The following UCHL5 variants were observed in gnomAD, a reference collection of about 807,000 sequenced individuals.
UCHL5 encodes ubiquitin carboxyl-terminal hydrolase isozyme L5.
Under a neutral mutation model 53.8 loss-of-function variants are expected in UCHL5, and 34 were observed. The ratio of observed to expected loss-of-function variants is 0.63; its 90% CI spans 0.48 to 0.84. The LOEUF (loss-of-function observed/expected upper bound fraction) is 0.84. Ranked by LOEUF, UCHL5 falls within the 40% of genes least tolerant of loss-of-function variation. The probability of loss-of-function intolerance (pLI) is 0.00; values close to 1 mark genes in which losing one functional copy is unlikely to be tolerated. For synonymous variants in UCHL5, 111 were observed against 126.3 expected, an observed-to-expected ratio of 0.88 and a Z score of 0.81; for missense variants, 290 against 385.6, an observed-to-expected ratio of 0.75 and a Z score of 2.08.
At chr1:193,029,114 A>C in intron 6 of UCHL5, 65 bp downstream of exon 6, 1 of 1,559,704 alleles carries the variant, frequency 6.4e-7, no homozygotes, top group East Asian at 2.3e-5. Context: ...GCACTGAATG[A>C]GGGTAAATAC....
intron 1 of UCHL5, among the ~76,000 whole-genome samples, chr1:193,056,636 AC>A (rs1416489955): frequency 6.6e-6 from 1 of 152,214 alleles, no homozygotes; most frequent in Non-Finnish European, 1.5e-5. Context: ...ACTACATTCT[AC>A]CAAAATCTGT....
chr1:193,059,462 C>A (rs953386694), upstream of UCHL5: 25 of 1,608,562 alleles, frequency 1.6e-5, no homozygotes, highest in Non-Finnish European at 2.0e-5. This position sits in a 1 kb window ranked among gnomAD's most constrained non-coding sequence, Gnocchi z 4.9. Context: ...CTAGAGACAT[C>A]GAAACTCTTC....
Position 193,012,990 on chromosome 1 carries a change from C to G in UCHL5, c.*3361G>C, listed in dbSNP as rs1437807432. 1.3e-5 allele frequency: 2 copies of G among 152,254 alleles called. No homozygotes were observed. The highest frequency in any genetic ancestry group is 4.8e-5 in the African/African-American group (2 of 41,550). The allele number at this position is 152,254 out of a possible 1,614,324, so 9.4% of individuals were successfully genotyped here. A position where few individuals can be genotyped will look rare whatever the true frequency, so the allele number is the denominator to read the frequency against. On this transcript the variant is annotated 3_prime_UTR_variant, in exon 11 of 11. Transcript: ENST00000367454. ...ATATACTAAAGAACAAACTAAATAA[C>G]ATGCATGTTTGACTGATCTAGGAAT...
At position 193,028,168 on chromosome 1, in the gene UCHL5, C is replaced by T. The variant is rs570331904; in HGVS notation, c.566-20G>A. On this transcript the variant is annotated intron_variant, in intron 6 of 10. Coordinates refer to ENST00000367454, the MANE Select transcript of UCHL5 (RefSeq NM_001199261.3). ...ATGCACCTAGAAAGAAATTTTAAAACAGTTAACACAAATAAAAATAAGAAC... is the reference window on the plus strand; with the variant it reads ...ATGCACCTAGAAAGAAATTTTAAAATAGTTAACACAAATAAAAATAAGAAC... The T allele has an allele frequency of 1.2e-4, 181 of 1,551,942 alleles. 1 individual carries two copies. The South Asian group carries it at 2.2e-3, about 19-fold the overall frequency.
At chr1:193,030,705 G>C (rs899028390) in intron 3 of UCHL5, among the ~76,000 whole-genome samples, 5 of 152,086 alleles carry the variant, frequency 3.3e-5, no homozygotes. Flanking sequence ...ATTAGCTTAT[G>C]ATTTTACATT....
upstream of UCHL5, chr1:193,059,676 T>A: frequency 7.3e-7 from 1 of 1,369,030 alleles, no homozygotes; most frequent in South Asian, 1.2e-5. This position sits in a 1 kb window ranked among gnomAD's most constrained non-coding sequence, Gnocchi z 4.9. Context: ...TTGCTGTGGC[T>A]GTCGCTGCCC....
intron 7 of UCHL5, among the ~76,000 whole-genome samples, chr1:193,027,609 C>T (rs1001055412): frequency 6.6e-6 from 1 of 152,082 alleles, no homozygotes; most frequent in Non-Finnish European, 1.5e-5. Flanking sequence ...CGCTTGAACT[C>T]GGGAGGCAGA....
At chr1:193,018,239 A>G (rs926849538) in intron 10 of UCHL5, among the ~76,000 whole-genome samples, 1 of 151,540 alleles carries the variant, frequency 6.6e-6, no homozygotes, top group African/African-American at 2.4e-5. Context: ...AATATTGTGA[A>G]GTTGTTTGGA....
In UCHL5 at chr1:193,027,889, G is replaced by A. The variant is rs183378056; in HGVS notation, c.629+196C>T. The A allele has an allele frequency of 4.1e-4, 600 of 1,470,412 alleles. 7 individuals are homozygous for A. The highest frequency in any genetic ancestry group is 3.5e-3 in the Middle Eastern group (14 of 4,056). 91.1% of individuals were successfully genotyped at this position (1,470,412 alleles called of 1,614,324 possible). A position where few individuals can be genotyped will look rare whatever the true frequency, so the allele number is the denominator to read the frequency against. On this transcript the variant is annotated intron_variant, in intron 7 of 10. Coordinates refer to ENST00000367454, the MANE Select transcript of UCHL5 (RefSeq NM_001199261.3). ...TGTAATCCTACCACTTTGGGAGGTC[G>A]AGGCAGGCGGATGGCTTGAGCTCAG...
chr1:193,051,544 T>C (rs976621038), intron 2 of UCHL5, among the ~76,000 whole-genome samples: 1 of 151,362 alleles, frequency 6.6e-6, no homozygotes, highest in African/African-American at 2.4e-5. Flanking sequence ...AGCCTTAGGT[T>C]TGACTCCCTT....
At chr1:193,038,018 A>T (rs1664173463) in intron 3 of UCHL5, among the ~76,000 whole-genome samples, 1 of 152,224 alleles carries the variant, frequency 6.6e-6, no homozygotes, top group Middle Eastern at 3.2e-3. Flanking sequence ...TTATTTCAAC[A>T]GATGCTGAAA....
chr1:193,035,632 G>A (rs1383049394), intron 3 of UCHL5, among the ~76,000 whole-genome samples: 4 of 151,950 alleles, frequency 2.6e-5, no homozygotes, highest in Admixed American at 1.3e-4. Flanking sequence ...ACACTAATGC[G>A]CAAAACCAAA....
At chr1:193,059,403 G>T (rs2102987754), upstream of UCHL5, 1 of 1,610,260 alleles carries the variant, frequency 6.2e-7, no homozygotes, top group South Asian at 1.1e-5. The surrounding 1 kb of genome is among the most constrained non-coding windows in gnomAD (Gnocchi z 4.9). Flanking sequence ...CAGCCTCCGG[G>T]CGCCGTCACC....
At chr1:193,051,232 A>G (rs1173949503) in intron 2 of UCHL5, among the ~76,000 whole-genome samples, 1 of 152,100 alleles carries the variant, frequency 6.6e-6, no homozygotes, top group Admixed American at 6.6e-5. Flanking sequence ...GGGTAAGGAG[A>G]AGTTAAAAGA....
intron 3 of UCHL5, among the ~76,000 whole-genome samples, chr1:193,037,678 A>T (rs1267616199): frequency 6.6e-6 from 1 of 152,166 alleles, no homozygotes; most frequent in Non-Finnish European, 1.5e-5. Flanking sequence ...ACAACAAAAA[A>T]ACTACAGACC....
rs1046596998 is a variant in UCHL5, at chr1:193,020,143, T to G, written c.942+954A>C. 7.1e-6 allele frequency: 7 copies of G among 984,882 alleles called. No homozygotes were observed. The African/African-American group carries it at 8.7e-5, about 12-fold the overall frequency. 61.0% of individuals were successfully genotyped at this position (984,882 alleles called of 1,614,324 possible). A position where few individuals can be genotyped will look rare whatever the true frequency, so the allele number is the denominator to read the frequency against. On this transcript the variant is annotated intron_variant, in intron 10 of 10. Transcript: ENST00000367454. ...CAGTCTTCTGCAATAATTTTTACAT[T>G]TAATGCTAAAAGTTGGGTCACATGT...
chr1:193,058,723 C>G (rs944713264), intron 1 of UCHL5, among the ~76,000 whole-genome samples: 5 of 152,262 alleles, frequency 3.3e-5, no homozygotes, highest in Admixed American at 6.5e-5. Context: ...ATCTCGAGTT[C>G]CTGGGCGGCT....
At chr1:193,043,503 A>C (rs1666392970) in intron 3 of UCHL5, among the ~76,000 whole-genome samples, 1 of 152,212 alleles carries the variant, frequency 6.6e-6, no homozygotes, top group African/African-American at 2.4e-5. Flanking sequence ...ATAGTAAAGA[A>C]ATTAACCTTG....
intron 6 of UCHL5, 33 bp from the exon 7 acceptor site, chr1:193,028,181 T>G (rs1660051535): frequency 6.6e-7 from 1 of 1,522,946 alleles, no homozygotes; most frequent in Admixed American, 2.2e-5. Flanking sequence ...TTAACACAAA[T>G]AAAAATAAGA....
Sources: allele counts gnomAD v4.1 joint callset (sites outside exome capture counted in the v4.1 genomes callset), GRCh38; gene constraint gnomAD v4.1.1; non-coding constraint Gnocchi (gnomAD v3.1); transcripts MANE v1.5; gene names NCBI Gene and HGNC (gene_info 2026-07-23, HGNC 2026-07-21).